ZNF121: variants seen among roughly 807,000 people sequenced by gnomAD.
The protein encoded by ZNF121 is zinc finger protein 121.
ZNF121 carries 1 observed loss-of-function variant against 2.4 expected under a neutral mutation model. The observed-to-expected ratio is 0.41, with a 90% CI of 0.15 to 1.94. The LOEUF is 1.94. ZNF121 is among the 30% of genes most tolerant of loss of function. The pLI is 0.30. For missense variants in ZNF121, 369 were observed against 466.3 expected, an observed-to-expected ratio of 0.79 and a Z score of 1.92; for synonymous variants, 173 against 158.6, an observed-to-expected ratio of 1.09 and a Z score of -0.68.
intron 1 of ZNF121, among the ~76,000 whole-genome samples, chr19:9,581,785 G>A (rs776677367): frequency 2.6e-5 from 4 of 152,028 alleles, no homozygotes; most frequent in South Asian, 2.1e-4. Context: ...GAATCAATGC[G>A]GAGAATTTTA....
intron 1 of ZNF121, among the ~76,000 whole-genome samples, chr19:9,579,811 T>C (rs930450244): frequency 4.6e-5 from 7 of 152,228 alleles, no homozygotes; most frequent in Non-Finnish European, 1.0e-4. Context: ...TTGATTTTCC[T>C]GCAATAAAGA....
chr19:9,581,225 G>A (rs753878047), intron 1 of ZNF121, among the ~76,000 whole-genome samples: 8 of 152,094 alleles, frequency 5.3e-5, no homozygotes, highest in Non-Finnish European at 8.8e-5. Context: ...CTGTGCAGAG[G>A]GGTGCCTCCT....
At chr19:9,580,401 C>T (rs2074240462) in intron 1 of ZNF121, among the ~76,000 whole-genome samples, 1 of 151,556 alleles carries the variant, frequency 6.6e-6, no homozygotes, top group South Asian at 2.1e-4. Context: ...GTTACTTCAC[C>T]TAATACCACC....
Position 9,572,935 on chromosome 19 carries a change from A to C in ZNF121, c.-159-3853T>G, listed in dbSNP as rs140339310. The stretch of plus-strand genomic sequence containing the variant: ...GAGGCTGAGGTGGGAGGATTGCTTC[A>C]GCCTGGGAGGTAGAGGCTGCAGTAA... On this transcript the variant is annotated intron_variant, in intron 1 of 3. Coordinates refer to ENST00000320451, the MANE Select transcript of ZNF121 (RefSeq NM_001008727.5). Among the ~76,000 whole-genome samples the C allele has an allele frequency of 7.0e-3, 1,061 of 152,290 alleles. 12 individuals carry two copies. Among genetic ancestry groups the C allele is most frequent in the African/African-American group, 0.024 (989 of 41,576 alleles).
intron 1 of ZNF121, among the ~76,000 whole-genome samples, chr19:9,569,410 G>A (rs1353063108): frequency 6.6e-6 from 1 of 151,866 alleles, no homozygotes; most frequent in Non-Finnish European, 1.5e-5. Context: ...TTGCACCACT[G>A]TACTCCAACC....
chr19:9,561,908 A>G lies in ZNF121; in HGVS notation c.*4032T>C, dbSNP rs866646679. On this transcript the variant is annotated 3_prime_UTR_variant, in exon 4 of 4. Coordinates refer to ENST00000320451, the MANE Select transcript of ZNF121 (RefSeq NM_001008727.5). Reference sequence around the variant, plus strand: ...TGCAGACCAAAAAGAAAAAAAAAAAAAAGGAAAAGAAAACCACCATTTGGA... The same window carrying G: ...TGCAGACCAAAAAGAAAAAAAAAAAGAAGGAAAAGAAAACCACCATTTGGA... The G allele has an allele frequency of 1.3e-4, 20 of 152,132 alleles. No homozygotes were observed. Among genetic ancestry groups the G allele is most frequent in the African/African-American group, 4.3e-4 (18 of 41,420 alleles). The allele number at this position is 152,132 out of a possible 1,614,324, so 9.4% of individuals were successfully genotyped here.
rs533888663 is a variant in ZNF121 at position 9,568,304 on chromosome 19, T to C, written c.-78-129A>G. The C allele has an allele frequency of 1.2e-4, 54 of 454,490 alleles. 1 individual carries two copies. Among genetic ancestry groups the C allele is most frequent in the African/African-American group, 9.6e-4 (49 of 51,262 alleles). 28.2% of individuals were successfully genotyped at this position (454,490 alleles called of 1,614,324 possible). ...CACACTCAAAAAAATTAAACAGACA[T>C]AGATTTGAACAGTTTATCCATGACG... On this transcript the variant is annotated intron_variant, in intron 2 of 3. Transcript: ENST00000320451.
intron 1 of ZNF121, among the ~76,000 whole-genome samples, chr19:9,577,972 C>T (rs1002494914): frequency 1.3e-5 from 2 of 151,166 alleles, no homozygotes; most frequent in African/African-American, 4.9e-5. Flanking sequence ...GTGGGCAGAC[C>T]ACGAGGTCAG....
chr19:9,575,065 A>G (rs73494970), intron 1 of ZNF121, among the ~76,000 whole-genome samples: 5,218 of 152,280 alleles, frequency 0.034, 310 homozygotes, highest in African/African-American at 0.12. Context: ...GGCATGGGCC[A>G]CCTTGCTTAG....
chr19:9,574,390 G>A (rs895882912), intron 1 of ZNF121, among the ~76,000 whole-genome samples: 7 of 151,930 alleles, frequency 4.6e-5, no homozygotes, highest in South Asian at 2.1e-4. Context: ...TCCTGATCCC[G>A]TGATCTGCCC....
chr19:9,570,920 T>C (rs539251840), intron 1 of ZNF121, among the ~76,000 whole-genome samples: 19 of 152,234 alleles, frequency 1.2e-4, no homozygotes, highest in African/African-American at 4.3e-4. Context: ...GGACCCAGAA[T>C]AGCAGAAATC....
rs1483549578 is a variant in ZNF121 at position 9,561,514 on chromosome 19, T to TG, written c.*4425dup. 5 of 152,032 alleles carry TG rather than the reference T, an allele frequency of 3.3e-5. No homozygotes were observed. The highest frequency in any genetic ancestry group is 7.4e-5 in the Non-Finnish European group (5 of 68,022). 9.4% of individuals were successfully genotyped at this position (152,032 alleles called of 1,614,324 possible). A position where few individuals can be genotyped will look rare whatever the true frequency, so the allele number is the denominator to read the frequency against. On this transcript the variant is annotated 3_prime_UTR_variant, in exon 4 of 4. Transcript: ENST00000320451. Reference sequence around the variant, plus strand: ...TATGATACATGCTCCTACAAGTAAATGGGTAAATAAATGAATAAGGATAAC... The same window carrying TG: ...TATGATACATGCTCCTACAAGTAAATGGGGTAAATAAATGAATAAGGATAAC...
Position 9,565,017 on chromosome 19 carries a change from A to G in ZNF121, c.*923T>C. 6.6e-6 allele frequency: 1 copy of G among 152,356 alleles called. No homozygotes were observed. The highest frequency in any genetic ancestry group is 6.5e-5 in the Admixed American group (1 of 15,298). The allele number at this position is 152,356 out of a possible 1,614,324, so 9.4% of individuals were successfully genotyped here. ...TTAAACTAAGGTACTTTACTTAGAC[A>G]TAACACAACTGCACACAAGAGACTA... is the stretch of plus-strand genomic sequence containing the variant. On this transcript the variant is annotated 3_prime_UTR_variant, in exon 4 of 4. Transcript: ENST00000320451.
chr19:9,569,832 C>A (rs1175187978), intron 1 of ZNF121, among the ~76,000 whole-genome samples: 1 of 143,216 alleles, frequency 7.0e-6, no homozygotes, highest in African/African-American at 2.8e-5. Context: ...CACGCCTGGC[C>A]GAGATCTTTT....
chr19:9,568,299 A>T (rs1444750281), intron 2 of ZNF121, 124 bp from the exon 3 acceptor site: 1 of 467,418 alleles, frequency 2.1e-6, no homozygotes, highest in East Asian at 3.1e-5. Context: ...AAAATTAAAC[A>T]GACATAGATT....
At position 9,566,303 on chromosome 19, in the gene ZNF121, G is replaced by C; in HGVS notation, c.810C>G (p.Cys270Trp). ...VCGKSFRSSS[C>W]LKNHFRIHTG... ...TGTGAATTCTAAAGTGATTCTTAAGGCATGAAGAGCTTCTGAAGGATTTTC... is the reference window on the plus strand; with the variant it reads ...TGTGAATTCTAAAGTGATTCTTAAGCCATGAAGAGCTTCTGAAGGATTTTC... The change falls in exon 4 of 4, where the codon TGC becomes TGG. Residue 270 changes from cysteine (C) to tryptophan (W), a missense_variant. Around this residue, in one of 4 missense-constraint regions of ZNF121, gnomAD observed 127 missense variants for 169.9 expected, o/e 0.75. Coordinates refer to ENST00000320451, the MANE Select transcript of ZNF121 (RefSeq NM_001008727.5). 1 of 1,613,856 alleles carries C rather than the reference G, an allele frequency of 6.2e-7. No homozygotes were observed. The highest frequency in any genetic ancestry group is 8.5e-7 in the Non-Finnish European group (1 of 1,179,960).
chr19:9,565,985 G>T lies in ZNF121; in HGVS notation c.1128C>A (p.Ala376=). Reference sequence around the variant, plus strand: ...TAGTAAGTAAATAAAATCTATTGTAGGCTTTCCCACATTCGTTACATATAT... The same window carrying T: ...TAGTAAGTAAATAAAATCTATTGTATGCTTTCCCACATTCGTTACATATAT... ...KPYICNECGK[A]YNRFYLLTKH... is the part of the protein sequence containing the mutation. Residue 376 remains alanine (A), a synonymous_variant, in exon 4 of 4, where the codon GCC becomes GCA. Coordinates refer to ENST00000320451, the MANE Select transcript of ZNF121 (RefSeq NM_001008727.5). 4 of 1,597,304 alleles carry T rather than the reference G, an allele frequency of 2.5e-6. No individual in the cohort carries two copies. The highest frequency in any genetic ancestry group is 3.4e-6 in the Non-Finnish European group (4 of 1,172,542).
At chr19:9,571,802 A>T (rs1036212751) in intron 1 of ZNF121, among the ~76,000 whole-genome samples, 3 of 152,178 alleles carry the variant, frequency 2.0e-5, no homozygotes, top group Non-Finnish European at 2.9e-5. Context: ...AGGCTGGATT[A>T]GAGTGGCATG....
chr19:9,579,754 AT>A (rs1247148501), intron 1 of ZNF121, among the ~76,000 whole-genome samples: 2 of 152,264 alleles, frequency 1.3e-5, no homozygotes, highest in Admixed American at 1.3e-4. Flanking sequence ...GGGTGACTAC[AT>A]TTAACACTCA....
Sources: gnomAD v4.1 joint callset for allele counts (sites outside exome capture counted in the v4.1 genomes callset) on GRCh38, gnomAD v4.1.1 for gene constraint, gnomAD v4.1.1 regional missense constraint, MANE v1.5 for transcripts, NCBI Gene and HGNC (gene_info 2026-07-23, HGNC 2026-07-21) for gene names.